The following ANO8 variants were observed in gnomAD, a reference collection of about 807,000 sequenced individuals.
The protein encoded by ANO8 is anoctamin 8.
In ANO8, 67 loss-of-function variants were observed where a neutral mutation model predicts 120.4. The ratio of observed to expected loss-of-function variants is 0.56; its 90% CI spans 0.46 to 0.68. The LOEUF is 0.68. Among genes scored for constraint, ANO8 ranks in the 30% least tolerant of loss-of-function variants. The pLI is 0.00. For missense variants in ANO8, 1,526 were observed against 1,737.6 expected, an observed-to-expected ratio of 0.88 and a Z score of 2.16; for synonymous variants, 727 against 759.2, an observed-to-expected ratio of 0.96 and a Z score of 0.70.
Position 17,330,198 on chromosome 19 carries a change from C to A in ANO8, c.1200G>T (p.Lys400Asn). The stretch of plus-strand genomic sequence containing the variant: ...CACTGACAAGCAGGGCCAGCATGAC[C>A]TTAGGCAGGAATCGGGCGAGACGGG... The part of the protein sequence containing the change: ...GLPRLARFLP[K>N]VMLALLVSVS... The change falls in exon 10 of 18, where the codon AAG becomes AAT. Residue 400 changes from lysine (K) to asparagine (N), a missense_variant. By Grantham distance (94) the Lys-to-Asn change is moderately conservative (BLOSUM62 0). This residue lies in a region of ANO8 where 91 missense variants were observed against 85.3 expected (regional missense o/e 1.07). Transcript: ENST00000159087. 6.2e-7 allele frequency: 1 copy of A among 1,614,088 alleles called. No individual in the cohort carries two copies.
chr19:17,331,525 A>T, intron 5 of ANO8, 114 bp from the exon 6 acceptor site: 2 of 866,682 alleles, frequency 2.3e-6, no homozygotes, highest in South Asian at 2.8e-5. Flanking sequence ...AAACCTCTAG[A>T]GCTCTTTCCA....
chr19:17,323,487 A>C lies in ANO8; in HGVS notation c.*30T>G. The C allele has an allele frequency of 1.6e-6, 2 of 1,289,942 alleles. No homozygotes were observed. The highest frequency in any genetic ancestry group is 2.0e-6 in the Non-Finnish European group (2 of 1,018,108). The allele number at this position is 1,289,942 out of a possible 1,614,324, so 79.9% of individuals were successfully genotyped here. Reference sequence around the variant, plus strand: ...CGCCCCTGTGAATGACTGATATTGCATATGAGAAGAGAAGGCAGGGCGGGT... The same window carrying C: ...CGCCCCTGTGAATGACTGATATTGCCTATGAGAAGAGAAGGCAGGGCGGGT... On this transcript the variant is annotated 3_prime_UTR_variant, in exon 18 of 18. Coordinates refer to ENST00000159087, the MANE Select transcript of ANO8 (RefSeq NM_020959.3).
At position 17,333,265 on chromosome 19, in the gene ANO8, C is replaced by T; in HGVS notation, c.351-26G>A. 6.2e-7 allele frequency: 1 copy of T among 1,603,816 alleles called. No individual in the cohort carries two copies. Among genetic ancestry groups the T allele is most frequent in the South Asian group, 1.1e-5 (1 of 90,642 alleles). ...CTGTGAAGAAGGCGGAGGAGGTGGG[C>T]TCACAGGGAGGCCCCGGCCCACCAT... On this transcript the variant is annotated intron_variant, in intron 3 of 17. Coordinates refer to ENST00000159087, the MANE Select transcript of ANO8 (RefSeq NM_020959.3). This position sits in a 1 kb window ranked among gnomAD's most constrained non-coding sequence, Gnocchi z 7.2.
In ANO8 at chr19:17,328,581, C is replaced by T. The variant is rs1404322994; in HGVS notation, c.1807G>A (p.Glu603Lys). Residue 603 changes from glutamate (E) to lysine (K), a missense_variant, in exon 13 of 18, where the codon GAG (glutamate) becomes AAG (lysine). Physicochemically the swap from Glu to Lys is moderately conservative, Grantham distance 56. Transcript: ENST00000159087. Reference sequence around the variant, plus strand: ...CCGCAGTCCAGGAGGCCCCCTTCCTCGCCCTCCTCCTCGTCCTCCTCTTCC... The same window carrying T: ...CCGCAGTCCAGGAGGCCCCCTTCCTTGCCCTCCTCCTCGTCCTCCTCTTCC... ...EEEEEDEEEG[E>K]EGGLLDCGLR... 3 of 1,546,884 alleles carry T rather than the reference C, an allele frequency of 1.9e-6. No homozygotes were observed. Among genetic ancestry groups the T allele is most frequent in the Admixed American group, 2.0e-5 (1 of 50,964 alleles).
chr19:17,326,871 C>A lies in ANO8; in HGVS notation c.2661+364G>T, dbSNP rs560077136. ...GCTGAAGGTTCTGAAGGGCCAGCCTCGTGCTGGATGCTGCCAGGATTCCAG... is the reference window on the plus strand; with the variant it reads ...GCTGAAGGTTCTGAAGGGCCAGCCTAGTGCTGGATGCTGCCAGGATTCCAG... On this transcript the variant is annotated intron_variant, in intron 16 of 17. Transcript: ENST00000159087. 4.1e-4 allele frequency among the ~76,000 whole-genome samples: 63 copies of A among 152,280 alleles called. No individual in the cohort carries two copies. The South Asian group carries it at 0.013, about 32-fold the overall frequency.
Position 17,332,985 on chromosome 19 carries a change from A to G in ANO8, c.531T>C (p.Arg177=), listed in dbSNP as rs1361437687. 1 of 1,614,132 alleles carries G rather than the reference A, an allele frequency of 6.2e-7. No homozygotes were observed. The change falls in exon 5 of 18, where the codon CGT becomes CGC. Residue 177 remains arginine (R), a synonymous_variant. Coordinates refer to ENST00000159087, the MANE Select transcript of ANO8 (RefSeq NM_020959.3). ...SIIRFWLQNL[R]AKQGEALHNV... is the part of the protein sequence containing the mutation. Reference sequence around the variant, plus strand: ...TGTGGAGTGCTTCTCCCTGCTTGGCACGCAAATTCTGCAGCCAGAAGCGGA... The same window carrying G: ...TGTGGAGTGCTTCTCCCTGCTTGGCGCGCAAATTCTGCAGCCAGAAGCGGA...
Position 17,323,427 on chromosome 19 carries a change from G to C in ANO8, c.*90C>G. On this transcript the variant is annotated 3_prime_UTR_variant, in exon 18 of 18. Transcript: ENST00000159087. ...CACCGACCAATACTGGGGGCCCTCGGGGGCTGAAGCGCATTTTGCATTTTG... is the reference window on the plus strand; with the variant it reads ...CACCGACCAATACTGGGGGCCCTCGCGGGCTGAAGCGCATTTTGCATTTTG... The C allele has an allele frequency of 1.6e-6, 2 of 1,256,840 alleles. No individual in the cohort carries two copies. Among genetic ancestry groups the C allele is most frequent in the Non-Finnish European group, 2.0e-6 (2 of 992,608 alleles). The allele number at this position is 1,256,840 out of a possible 1,614,324, so 77.9% of individuals were successfully genotyped here. A position where few individuals can be genotyped will look rare whatever the true frequency, so the allele number is the denominator to read the frequency against.
At position 17,328,636 on chromosome 19, in the gene ANO8, G is replaced by C. The variant is rs1435219593; in HGVS notation, c.1752C>G (p.Asp584Glu). 2.6e-6 allele frequency: 4 copies of C among 1,525,462 alleles called. No individual in the cohort carries two copies. The East Asian group carries it at 9.9e-5, about 38-fold the overall frequency. 94.5% of individuals were successfully genotyped at this position (1,525,462 alleles called of 1,614,324 possible). A position where few individuals can be genotyped will look rare whatever the true frequency, so the allele number is the denominator to read the frequency against. ...GDGPPGGKEE[D>E]EDDEEEEDEE... Reference sequence around the variant, plus strand: ...CGTCCTCCTCCTCCTCGTCGTCCTCGTCCTCCTCCTTGCCCCCTGGAGGCC... The same window carrying C: ...CGTCCTCCTCCTCCTCGTCGTCCTCCTCCTCCTCCTTGCCCCCTGGAGGCC... Residue 584 changes from aspartate to glutamate, a missense_variant, in exon 13 of 18, where the codon GAC becomes GAG. By Grantham distance (45) the Asp-to-Glu change is conservative. Coordinates refer to ENST00000159087, the MANE Select transcript of ANO8 (RefSeq NM_020959.3).
chr19:17,324,267 CTCCCT>C (rs2074258196), intron 17 of ANO8, among the ~76,000 whole-genome samples: 1 of 152,094 alleles, frequency 6.6e-6, no homozygotes, highest in Non-Finnish European at 1.5e-5. Flanking sequence ...CATGTGGGAG[CTCCCT>C]GGGTGGGCAG....
In ANO8 at chr19:17,324,781, ACTC is replaced by A. The variant is rs1433618110; in HGVS notation, c.3264_3266del (p.Arg1088del). 1.3e-6 allele frequency: 2 copies of A among 1,570,030 alleles called. No individual in the cohort carries two copies. Among genetic ancestry groups the A allele is most frequent in the African/African-American group, 2.7e-5 (2 of 73,158 alleles). On this transcript the variant is annotated inframe_deletion, in exon 17 of 18. Transcript: ENST00000159087. ...CAGCCAGGGCCTCGTCCACCGGCCC[ACTC>A]CTCTGAACCCGGCTGCTGCCACTGC... is the stretch of plus-strand genomic sequence containing the variant.
chr19:17,323,311 CTGTGTGTGTG>C lies in ANO8; in HGVS notation c.*196_*205del, dbSNP rs58263758. The C allele has an allele frequency of 1.8e-3, 583 of 327,584 alleles. 5 individuals carry two copies. Among genetic ancestry groups the C allele is most frequent in the South Asian group, 5.7e-3 (37 of 6,506 alleles). The allele number at this position is 327,584 out of a possible 1,614,324, so 20.3% of individuals were successfully genotyped here. On this transcript the variant is annotated 3_prime_UTR_variant, in exon 18 of 18. Coordinates refer to ENST00000159087, the MANE Select transcript of ANO8 (RefSeq NM_020959.3). ...AAAAACAAATAAATAATCGCCTGTT[CTGTGTGTGTG>C]TGTGTGTGTGTGTGTGTGTGTGTTT...
chr19:17,326,634 C>T (rs1248375436), intron 16 of ANO8, among the ~76,000 whole-genome samples: 3 of 152,196 alleles, frequency 2.0e-5, no homozygotes, highest in Non-Finnish European at 4.4e-5. Context: ...TGCACTTCAA[C>T]GTGCTCACTT....
rs981563844 is a variant in ANO8, at chr19:17,329,951, T to C, written c.1329+8A>G. Reference sequence around the variant, plus strand: ...TGTCCCCCTGCCTGTCCGATGGTGGTGACTCACCAGGACAACTTTGATGAT... The same window carrying C: ...TGTCCCCCTGCCTGTCCGATGGTGGCGACTCACCAGGACAACTTTGATGAT... On this transcript the variant is annotated splice_region_variant and intron_variant, in intron 11 of 17. Transcript: ENST00000159087. 1.2e-6 allele frequency: 2 copies of C among 1,613,904 alleles called. No individual in the cohort carries two copies. Among genetic ancestry groups the C allele is most frequent in the Middle Eastern group, 1.6e-4 (1 of 6,062 alleles).
In ANO8 at chr19:17,327,512, G is replaced by A. The variant is rs2074280678; in HGVS notation, c.2476C>T (p.Gln826Ter). 6.2e-7 allele frequency: 1 copy of A among 1,613,256 alleles called. No homozygotes were observed. The highest frequency in any genetic ancestry group is 1.3e-5 in the African/African-American group (1 of 74,924). ...AIVVNCYLIG[Q>*]CGQLQRLFPW... ...AAGAGGCGCTGCAGCTGCCCGCACT[G>A]GCCGATTAAGTAGCAGTTGACCACA... Residue 826 changes from glutamine to a stop codon, truncating the protein, a stop_gained, in exon 15 of 18, where the codon CAG (glutamine) becomes TAG (stop). Transcript: ENST00000159087. LOFTEE classifies it high-confidence loss of function.
rs2074340649 is a variant in ANO8 at position 17,333,926 on chromosome 19, C to G, written c.107-126G>C. ...CACCTGGCATTCAAGGCCCCGGGAG[C>G]TCTGGGCTTGGCTTATTTTCCTCCC... On this transcript the variant is annotated intron_variant, in intron 1 of 17. Transcript: ENST00000159087. The surrounding 1 kb of genome is among the most constrained non-coding windows in gnomAD (Gnocchi z 7.2). 1.3e-6 allele frequency: 1 copy of G among 775,042 alleles called. No individual in the cohort carries two copies. Among genetic ancestry groups the G allele is most frequent in the East Asian group, 2.7e-5 (1 of 37,312 alleles). 48.0% of individuals were successfully genotyped at this position (775,042 alleles called of 1,614,324 possible). A position where few individuals can be genotyped will look rare whatever the true frequency, so the allele number is the denominator to read the frequency against.
At chr19:17,326,362 C>A (rs1484497276) in intron 16 of ANO8, among the ~76,000 whole-genome samples, 1 of 152,046 alleles carries the variant, frequency 6.6e-6, no homozygotes, top group African/African-American at 2.4e-5. Flanking sequence ...ATTAGCCAGG[C>A]GTGGTGGGAC....
At position 17,330,374 on chromosome 19, in the gene ANO8, A is replaced by G; in HGVS notation, c.1124T>C (p.Met375Thr). The G allele has an allele frequency of 1.3e-6, 2 of 1,596,392 alleles. No homozygotes were observed. The highest frequency in any genetic ancestry group is 1.7e-6 in the Non-Finnish European group (2 of 1,171,144). ...LACLVCVFLL[M>T]LGCFQLQELV... ...CACCTGCAGCTGGAAGCAGCCAAGC[A>G]TGAGCAAGAAGACACAGACGAGGCA... is the stretch of plus-strand genomic sequence containing the variant. Residue 375 changes from methionine to threonine, a missense_variant, in exon 9 of 18, where the codon ATG (methionine) becomes ACG (threonine). Physicochemically the swap from Met to Thr is moderately conservative, Grantham distance 81. This residue lies in a region of ANO8 where 91 missense variants were observed against 85.3 expected (regional missense o/e 1.07). Coordinates refer to ENST00000159087, the MANE Select transcript of ANO8 (RefSeq NM_020959.3).
intron 16 of ANO8, among the ~76,000 whole-genome samples, chr19:17,326,701 G>A (rs983258866): frequency 2.0e-5 from 3 of 152,160 alleles, no homozygotes; most frequent in Non-Finnish European, 2.9e-5. Context: ...TGTCATCCTC[G>A]AGGAATGTTC....
At chr19:17,332,157 G>A (rs549188233) in intron 5 of ANO8, among the ~76,000 whole-genome samples, 45 of 145,560 alleles carry the variant, frequency 3.1e-4, no homozygotes, top group Non-Finnish European at 5.4e-4. Flanking sequence ...GGATGGTCTC[G>A]ATCTCCTGAC....
Sources: allele counts gnomAD v4.1 joint callset (sites outside exome capture counted in the v4.1 genomes callset), GRCh38; gene constraint gnomAD v4.1.1; regional missense constraint gnomAD v4.1.1; non-coding constraint Gnocchi (gnomAD v3.1); transcripts MANE v1.5; gene names NCBI Gene and HGNC (gene_info 2026-07-23, HGNC 2026-07-21).